The following ATRNL1 variants were observed in gnomAD, a reference collection of about 807,000 sequenced individuals.
ATRNL1 encodes attractin-like protein 1.
ATRNL1 carries 95 observed loss-of-function variants against 182.7 expected under a neutral mutation model. The observed-to-expected ratio is 0.52, with a 90% CI of 0.44 to 0.62. The LOEUF is 0.62. Ranked by LOEUF, ATRNL1 falls within the 20% of genes least tolerant of loss-of-function variation. ATRNL1 has a pLI of 0.00. For missense variants in ATRNL1, 1,471 were observed against 1,679.5 expected, an observed-to-expected ratio of 0.88 and a Z score of 2.17; for synonymous variants, 576 against 568.3, an observed-to-expected ratio of 1.01 and a Z score of -0.19.
chr10:115,706,807 A>T (rs1374539384), intron 26 of ATRNL1, among the ~76,000 whole-genome samples: 1 of 151,900 alleles, frequency 6.6e-6, no homozygotes, highest in Non-Finnish European at 1.5e-5. Flanking sequence ...ATCACACTAG[A>T]TCATTTTTTA....
chr10:115,602,805 G>A (rs568256460), intron 26 of ATRNL1, among the ~76,000 whole-genome samples: 54 of 150,954 alleles, frequency 3.6e-4, no homozygotes, highest in South Asian at 2.9e-3. Context: ...AGTGAGCAGA[G>A]ATCGCGCCAC....
intron 8 of ATRNL1, among the ~76,000 whole-genome samples, chr10:115,188,471 A>AATTT (rs1848042381): frequency 6.6e-6 from 1 of 152,074 alleles, no homozygotes; most frequent in Non-Finnish European, 1.5e-5. Context: ...TCCTGTGGGA[A>AATTT]ATTTATTTCA....
chr10:115,145,586 A>AACATGT (rs1171304763), intron 5 of ATRNL1, among the ~76,000 whole-genome samples: 1 of 152,220 alleles, frequency 6.6e-6, no homozygotes, highest in Non-Finnish European at 1.5e-5. Context: ...ATGGGTCTAG[A>AACATGT]ACATGTGTAG....
chr10:115,735,037 T>C (rs1947908143), intron 27 of ATRNL1, among the ~76,000 whole-genome samples: 1 of 152,224 alleles, frequency 6.6e-6, no homozygotes, highest in South Asian at 2.1e-4. Flanking sequence ...TCTATGAGTT[T>C]TGTCATTCCT....
intron 28 of ATRNL1, among the ~76,000 whole-genome samples, chr10:115,888,677 C>A (rs1952009841): frequency 1.3e-5 from 2 of 152,230 alleles, no homozygotes; most frequent in South Asian, 2.1e-4. Context: ...CGTAAGTAAC[C>A]ATTAGTTGCT....
intron 24 of ATRNL1, among the ~76,000 whole-genome samples, chr10:115,504,935 T>C (rs1194894822): frequency 6.6e-6 from 1 of 152,108 alleles, no homozygotes; most frequent in African/African-American, 2.4e-5. Context: ...CCTTTTTTTC[T>C]ATCTTAGACT....
At chr10:115,605,737 G>A (rs902438208) in intron 26 of ATRNL1, among the ~76,000 whole-genome samples, 76 of 151,932 alleles carry the variant, frequency 5.0e-4, no homozygotes, top group African/African-American at 1.8e-3. Context: ...AAAAATATCA[G>A]TGACTCTCAT....
At chr10:115,406,160 C>A (rs1027100952) in intron 20 of ATRNL1, among the ~76,000 whole-genome samples, 2 of 152,014 alleles carry the variant, frequency 1.3e-5, no homozygotes, top group African/African-American at 4.8e-5. Flanking sequence ...CATACATGTG[C>A]ATGTGTCTTT....
At chr10:115,196,767 G>A (rs1405630543) in intron 8 of ATRNL1, among the ~76,000 whole-genome samples, 6 of 152,036 alleles carry the variant, frequency 3.9e-5, no homozygotes, top group Admixed American at 6.6e-5. Flanking sequence ...GTCATGCAAC[G>A]TTGCTAAACA....
intron 26 of ATRNL1, among the ~76,000 whole-genome samples, chr10:115,658,195 A>G (rs1593021412): frequency 7.1e-6 from 1 of 140,266 alleles, no homozygotes; most frequent in African/African-American, 2.7e-5. Context: ...TCCTGGTTTC[A>G]CGCCATTCTC....
chr10:115,923,596 A>G (rs1953132345), intron 28 of ATRNL1, among the ~76,000 whole-genome samples: 1 of 151,994 alleles, frequency 6.6e-6, no homozygotes, highest in Admixed American at 6.6e-5. Context: ...TCTCGTTTTT[A>G]TGGCTGTGTA....
intron 28 of ATRNL1, among the ~76,000 whole-genome samples, chr10:115,858,637 TGGCAC>T (rs1220095167): frequency 2.6e-5 from 4 of 152,186 alleles, no homozygotes; most frequent in Non-Finnish European, 5.9e-5. Context: ...CAAACCACCA[TGGCAC>T]ACGTTTACCT....
chr10:115,844,061 A>C (rs1555098070), intron 27 of ATRNL1, among the ~76,000 whole-genome samples: 1 of 152,068 alleles, frequency 6.6e-6, no homozygotes, highest in African/African-American at 2.4e-5. Flanking sequence ...AATGTTAGCT[A>C]TTATTACTGT....
At position 115,165,639 on chromosome 10, in the gene ATRNL1, A is replaced by G; in HGVS notation, c.1086A>G (p.Leu362=). The G allele has an allele frequency of 1.3e-6, 2 of 1,511,804 alleles. No individual in the cohort carries two copies. The highest frequency in any genetic ancestry group is 1.8e-6 in the Non-Finnish European group (2 of 1,115,966). 93.6% of individuals were successfully genotyped at this position (1,511,804 alleles called of 1,614,324 possible). A position where few individuals can be genotyped will look rare whatever the true frequency, so the allele number is the denominator to read the frequency against. Residue 362 remains leucine (L), a synonymous_variant, in exon 7 of 29, where the codon TTA becomes TTG. Coordinates refer to ENST00000355044, the MANE Select transcript of ATRNL1 (RefSeq NM_207303.4). ...PLQRYGHSLA[L]YQENIFMYGG... ...AGAGATATGGACACTCTCTTGCTTT[A>G]TATCAGGTATGGCTCCTGCTTTTTA...
At chr10:115,330,201 T>G (rs1280009896) in intron 18 of ATRNL1, among the ~76,000 whole-genome samples, 1 of 152,182 alleles carries the variant, frequency 6.6e-6, no homozygotes, top group African/African-American at 2.4e-5. Context: ...ATTTTTGATG[T>G]CATAATTTAC....
chr10:115,616,891 G>T (rs1857454207), intron 26 of ATRNL1, among the ~76,000 whole-genome samples: 1 of 152,236 alleles, frequency 6.6e-6, no homozygotes, highest in Non-Finnish European at 1.5e-5. Flanking sequence ...GAGCCCTCAT[G>T]TAGAAACTCT....
At chr10:115,269,571 T>G (rs1044768606) in intron 13 of ATRNL1, among the ~76,000 whole-genome samples, 11 of 152,082 alleles carry the variant, frequency 7.2e-5, no homozygotes, top group Non-Finnish European at 1.5e-4. Flanking sequence ...TGGCCTCAAG[T>G]GATGTGCCCA....
intron 26 of ATRNL1, among the ~76,000 whole-genome samples, chr10:115,652,242 T>C (rs544964171): frequency 1.3e-5 from 2 of 152,184 alleles, no homozygotes; most frequent in African/African-American, 4.8e-5. Flanking sequence ...TTATTTTTTT[T>C]TTCCATTATA....
chr10:115,341,961 T>C (rs576988241), intron 19 of ATRNL1, among the ~76,000 whole-genome samples: 3 of 152,212 alleles, frequency 2.0e-5, no homozygotes, highest in African/African-American at 7.2e-5. Context: ...TTTTTTTCCA[T>C]CCATTCAGCC....
Sources: gnomAD v4.1 joint callset for allele counts (sites outside exome capture counted in the v4.1 genomes callset) on GRCh38, gnomAD v4.1.1 for gene constraint, MANE v1.5 for transcripts, NCBI Gene and HGNC (gene_info 2026-07-23, HGNC 2026-07-21) for gene names.